The following BPTF variants were observed in gnomAD, a reference collection of about 807,000 sequenced individuals.
The protein encoded by BPTF is bromodomain PHD finger transcription factor, also known as nucleosome-remodeling factor subunit BPTF.
In BPTF, 18 loss-of-function variants were observed where a neutral mutation model predicts 292.5. The observed-to-expected ratio is 0.06, with a 90% CI of 0.04 to 0.09. The LOEUF is 0.09. BPTF is among the 10% of genes least tolerant of loss of function. The probability of loss-of-function intolerance (pLI) is 1.00; values close to 1 mark genes in which losing one functional copy is unlikely to be tolerated. For synonymous variants in BPTF, 1,225 were observed against 1,251.9 expected (o/e 0.98, Z 0.45); for missense variants, 2,726 against 3,498.7 (o/e 0.78, Z 5.57).
At chr17:67,893,108 T>C (rs1393251074) in intron 5 of BPTF, 1 of 442,436 alleles carries the variant, frequency 2.3e-6, no homozygotes, top group African/African-American at 2.0e-5. Flanking sequence ...TATTAATACA[T>C]GAAAGCAGTG....
chr17:67,860,062 G>C (rs200489786), intron 2 of BPTF, among the ~76,000 whole-genome samples: 1 of 152,224 alleles, frequency 6.6e-6, no homozygotes, highest in East Asian at 1.9e-4. Flanking sequence ...TAAAAGCTAT[G>C]GTCGTCATTC....
rs74362196 is a variant in BPTF at position 67,863,271 on chromosome 17, T to C, written c.1437-3193T>C. The stretch of plus-strand genomic sequence containing the variant: ...CACATCACTCCAGTTGCTGCCTCTA[T>C]GCTACCTTCTTTTCTTTTTCTTTTC... On this transcript the variant is annotated intron_variant, in intron 2 of 27. Transcript: ENST00000306378. Among the ~76,000 whole-genome samples the C allele has an allele frequency of 4.4e-3, 672 of 152,188 alleles. 5 individuals are homozygous for C. The highest frequency in any genetic ancestry group is 0.015 in the African/African-American group (635 of 41,538).
At chr17:67,961,192 T>A (rs1469726201) in intron 24 of BPTF, among the ~76,000 whole-genome samples, 1 of 152,216 alleles carries the variant, frequency 6.6e-6, no homozygotes, top group East Asian at 1.9e-4. Flanking sequence ...ACACACAACT[T>A]CTTTGAAATA....
intron 4 of BPTF, among the ~76,000 whole-genome samples, chr17:67,877,479 A>T (rs967307214): frequency 4.6e-5 from 7 of 152,382 alleles, no homozygotes; most frequent in South Asian, 2.1e-4. Flanking sequence ...GACTAAGAAC[A>T]ATAGCCGTGA....
At chr17:67,899,825 G>A (rs571267680) in intron 7 of BPTF, among the ~76,000 whole-genome samples, 1 of 151,906 alleles carries the variant, frequency 6.6e-6, no homozygotes, top group East Asian at 1.9e-4. Context: ...CACCGCGCCC[G>A]GCCTATGCTG....
chr17:67,964,230 T>C lies in BPTF; in HGVS notation c.8280T>C (p.Asp2760=). ...CTTGCAGATTTTATATTGGCTGTGA[T>C]CGGTGTCAGAATTGGTACCATGGGC... ...YDESKFYIGC[D]RCQNWYHGRC... Residue 2760 remains aspartate (D), a synonymous_variant, in exon 25 of 28, where the codon GAT becomes GAC. Transcript: ENST00000306378. 6 of 1,612,070 alleles carry C rather than the reference T, an allele frequency of 3.7e-6. No individual in the cohort carries two copies. The highest frequency in any genetic ancestry group is 5.1e-6 in the Non-Finnish European group (6 of 1,178,248).
rs146590452 is a variant in BPTF at position 67,981,116 on chromosome 17, G to A, written c.8727-1136G>A. ...TGAGGCTGCAGTGAGCTGTGATTGC[G>A]CCACTGCACTCCAGACTGTGCTACA... On this transcript the variant is annotated intron_variant, in intron 27 of 27. Coordinates refer to ENST00000306378, the MANE Select transcript of BPTF (RefSeq NM_182641.4). Among the ~76,000 whole-genome samples the A allele has an allele frequency of 7.6e-3, 1,159 of 152,258 alleles. 14 individuals carry two copies. Among genetic ancestry groups the A allele is most frequent in the African/African-American group, 0.026 (1,096 of 41,564 alleles).
At chr17:67,844,457 C>A (rs1236250756) in intron 1 of BPTF, among the ~76,000 whole-genome samples, 1 of 151,828 alleles carries the variant, frequency 6.6e-6, no homozygotes, top group Non-Finnish European at 1.5e-5. Context: ...CCGTGTTAGC[C>A]AGTATGGTCT....
At chr17:67,976,096 A>C in intron 27 of BPTF, 138 bp downstream of exon 27, 1 of 629,864 alleles carries the variant, frequency 1.6e-6, no homozygotes, top group Non-Finnish European at 2.4e-6. Context: ...ATAAATCAAG[A>C]CTCCAGGGTT....
At chr17:67,971,015 T>C (rs1555690526) in intron 26 of BPTF, among the ~76,000 whole-genome samples, 1 of 151,776 alleles carries the variant, frequency 6.6e-6, no homozygotes, top group East Asian at 1.9e-4. Context: ...ACCAGCTGAC[T>C]GCATCCTCGT....
intron 26 of BPTF, among the ~76,000 whole-genome samples, chr17:67,968,874 C>A (rs1443181429): frequency 6.6e-6 from 1 of 150,908 alleles, no homozygotes; most frequent in South Asian, 2.1e-4. Context: ...CCTAGCTGCT[C>A]GGGAGGCTGA....
intron 1 of BPTF, among the ~76,000 whole-genome samples, chr17:67,844,070 CTTTTT>C (rs35407119): frequency 2.1e-5 from 2 of 94,354 alleles, no homozygotes; most frequent in East Asian, 8.7e-4. Flanking sequence ...CGGCCCCCGC[CTTTTT>C]TTTTTTTTTT....
rs373668743 is a variant in BPTF, at chr17:67,854,396, T to C, written c.1070T>C (p.Val357Ala). ...QEAEDYPYGP[V>A]ENKIKVLQFL... ...GCAGAGGACTACCCATATGGACCAG[T>C]AGAGAACAAGATCAAAGTTCTACAG... Residue 357 changes from valine (V) to alanine (A), a missense_variant, in exon 2 of 28, where the codon GTA (valine) becomes GCA (alanine). Around this residue, in one of 22 missense-constraint regions of BPTF, gnomAD observed 102 missense variants for 212.6 expected, o/e 0.48. Transcript: ENST00000306378. This position sits in a 1 kb window ranked among gnomAD's most constrained non-coding sequence, Gnocchi z 5.6. 24 of 1,614,064 alleles carry C rather than the reference T, an allele frequency of 1.5e-5. No individual in the cohort carries two copies. Among genetic ancestry groups the C allele is most frequent in the Non-Finnish European group, 1.9e-5 (22 of 1,180,034 alleles).
chr17:67,900,230 G>C (rs1473533331), intron 7 of BPTF, among the ~76,000 whole-genome samples: 1 of 151,948 alleles, frequency 6.6e-6, no homozygotes, highest in Non-Finnish European at 1.5e-5. Flanking sequence ...TCAGCCTGCT[G>C]AGTAGCTGGG....
intron 26 of BPTF, among the ~76,000 whole-genome samples, chr17:67,973,561 G>C (rs555547891): frequency 5.5e-4 from 84 of 151,960 alleles, no homozygotes; most frequent in African/African-American, 2.0e-3. Context: ...AGTGGTGAGT[G>C]CAGTGGTGCG....
At chr17:67,852,144 A>G (rs1321383453) in intron 1 of BPTF, among the ~76,000 whole-genome samples, 4 of 152,096 alleles carry the variant, frequency 2.6e-5, no homozygotes, top group Admixed American at 2.6e-4. Flanking sequence ...TCTATGTTCA[A>G]TTCTATAAAC....
Position 67,904,786 on chromosome 17 carries a change from G to A in BPTF, c.2758G>A (p.Val920Ile). The A allele has an allele frequency of 1.2e-6, 2 of 1,613,146 alleles. No homozygotes were observed. Among genetic ancestry groups the A allele is most frequent in the Non-Finnish European group, 1.7e-6 (2 of 1,179,268 alleles). The change falls in exon 9 of 28, where the codon GTT (valine) becomes ATT (isoleucine). Residue 920 changes from valine to isoleucine, a missense_variant. Physicochemically the swap from Val to Ile is conservative, Grantham distance 29. Coordinates refer to ENST00000306378, the MANE Select transcript of BPTF (RefSeq NM_182641.4). ...WISKTHVYRFVPKLPGNTNVN... is the reference protein window; with the variant it reads ...WISKTHVYRFIPKLPGNTNVN... Reference sequence around the variant, plus strand: ...TAGTAAAACTCATGTTTATAGGTTTGTTCCTAAATTGCCAGGCAATACTAA... The same window carrying A: ...TAGTAAAACTCATGTTTATAGGTTTATTCCTAAATTGCCAGGCAATACTAA...
rs782231543 is a variant in BPTF at position 67,945,468 on chromosome 17, A to G, written c.6760A>G (p.Thr2254Ala). The change falls in exon 21 of 28, where the codon ACC becomes GCC. Residue 2254 changes from threonine to alanine, a missense_variant. Physicochemically the swap from Thr to Ala is moderately conservative, Grantham distance 58 (BLOSUM62 0). Around this residue, in one of 22 missense-constraint regions of BPTF, gnomAD observed 570 missense variants for 633.5 expected, o/e 0.90. Transcript: ENST00000306378. Reference sequence around the variant, plus strand: ...CCAGATGCAGGTACATCAAGACAAAACCCTGCCACCAGCTCAGTCATCAAG... The same window carrying G: ...CCAGATGCAGGTACATCAAGACAAAGCCCTGCCACCAGCTCAGTCATCAAG... Reference protein sequence around the residue: ...SPQMQVHQDKTLPPAQSSSVG... With the variant: ...SPQMQVHQDKALPPAQSSSVG... 3.1e-6 allele frequency: 5 copies of G among 1,613,696 alleles called. No homozygotes were observed. The East Asian group carries it at 1.1e-4, about 36-fold the overall frequency.
At chr17:67,857,057 G>A (rs2058731354) in intron 2 of BPTF, among the ~76,000 whole-genome samples, 2 of 151,574 alleles carry the variant, frequency 1.3e-5, no homozygotes, top group Middle Eastern at 3.4e-3. Context: ...TGGGTCTGCT[G>A]AATCAGTAAT....
Sources: allele counts gnomAD v4.1 joint callset (sites outside exome capture counted in the v4.1 genomes callset), GRCh38; gene constraint gnomAD v4.1.1; regional missense constraint gnomAD v4.1.1; non-coding constraint Gnocchi (gnomAD v3.1); transcripts MANE v1.5; gene names NCBI Gene and HGNC (gene_info 2026-07-23, HGNC 2026-07-21).